Variants in PIEZO2 observed in about 807,000 individuals in gnomAD.
The protein encoded by PIEZO2 is piezo type mechanosensitive ion channel component 2.
Under a neutral mutation model 337.3 loss-of-function variants are expected in PIEZO2, and 172 were observed. That is an observed-to-expected ratio of 0.51 (90% CI 0.45 to 0.58). The LOEUF (loss-of-function observed/expected upper bound fraction) is 0.58, where lower values mean the gene tolerates loss of function less well. Ranked by LOEUF, PIEZO2 falls within the 20% of genes least tolerant of loss-of-function variation. The pLI is 0.00. For synonymous variants in PIEZO2, 1,251 were observed against 1,228.5 expected (o/e 1.02, Z -0.38); for missense variants, 3,028 against 3,391.3 (o/e 0.89, Z 2.66).
rs143866500 is a variant in PIEZO2 at position 10,828,524 on chromosome 18, T to C, written c.918-21250A>G. Among the ~76,000 whole-genome samples the C allele has an allele frequency of 1.3e-5, 2 of 152,246 alleles. No individual in the cohort carries two copies. Among genetic ancestry groups the C allele is most frequent in the Non-Finnish European group, 2.9e-5 (2 of 68,006 alleles). On this transcript the variant is annotated intron_variant, in intron 7 of 55. Coordinates refer to ENST00000674853, the MANE Select transcript of PIEZO2 (RefSeq NM_001378183.1). This position sits in a 1 kb window ranked among gnomAD's most constrained non-coding sequence, Gnocchi z 4.1. ...CCTGGAAAAAACTGAAAGTAGAAGG[T>C]AAAATATACATAAAGGTGTGAGTTC...
At chr18:10,790,647 T>A (rs2039376732) in intron 14 of PIEZO2, among the ~76,000 whole-genome samples, 1 of 152,106 alleles carries the variant, frequency 6.6e-6, no homozygotes, top group Non-Finnish European at 1.5e-5. Flanking sequence ...AGCATTTAAT[T>A]TCTCAGAGCC....
intron 2 of PIEZO2, among the ~76,000 whole-genome samples, chr18:11,065,824 T>G (rs2038128459): frequency 6.6e-6 from 1 of 152,224 alleles, no homozygotes; most frequent in East Asian, 1.9e-4. Context: ...TGTCTTATTT[T>G]ATTGACAATA....
rs1392133031 is a variant in PIEZO2, at chr18:11,116,398, T to A, written c.64+32127A>T. ...ATGCACCTCGACAATGCTTGGGTGA[T>A]CTGTTTCTTGGGTGTGAAAGAATGA... On this transcript the variant is annotated intron_variant, in intron 1 of 55. Transcript: ENST00000674853. The surrounding 1 kb of genome is among the most constrained non-coding windows in gnomAD (Gnocchi z 5.0). Among the ~76,000 whole-genome samples the A allele has an allele frequency of 6.6e-6, 1 of 152,040 alleles. No homozygotes were observed. Among genetic ancestry groups the A allele is most frequent in the Non-Finnish European group, 1.5e-5 (1 of 68,020 alleles).
intron 20 of PIEZO2, among the ~76,000 whole-genome samples, chr18:10,770,953 A>C (rs1026377386): frequency 2.6e-5 from 4 of 151,530 alleles, no homozygotes; most frequent in South Asian, 2.1e-4. Flanking sequence ...CTGGTCTTGA[A>C]CTCTTGGCCT....
chr18:10,716,818 T>C lies in PIEZO2; in HGVS notation c.5090-1002A>G, dbSNP rs2036029042. 4.0e-5 allele frequency among the ~76,000 whole-genome samples: 6 copies of C among 151,794 alleles called. No homozygotes were observed. Among genetic ancestry groups the C allele is most frequent in the Admixed American group, 3.9e-4 (6 of 15,270 alleles). ...CAATGAACTTTAGGAGCTCCTTATA[T>C]TTTCGACATGTATTTTCTCATACCC... On this transcript the variant is annotated intron_variant, in intron 37 of 55. Transcript: ENST00000674853. This position sits in a 1 kb window ranked among gnomAD's most constrained non-coding sequence, Gnocchi z 4.1.
chr18:10,953,123 A>G lies in PIEZO2; in HGVS notation c.286+26412T>C, dbSNP rs1312591254. 1.3e-5 allele frequency among the ~76,000 whole-genome samples: 2 copies of G among 152,202 alleles called. No individual in the cohort carries two copies. Among genetic ancestry groups the G allele is most frequent in the South Asian group, 2.1e-4 (1 of 4,826 alleles). On this transcript the variant is annotated intron_variant, in intron 3 of 55. Transcript: ENST00000674853. The surrounding 1 kb of genome is among the most constrained non-coding windows in gnomAD (Gnocchi z 5.2). ...TAGTATTGAGTTTTAAGAGTTCTTC[A>G]TAAATACTGGATACAAGTCCTTAAT... is the stretch of plus-strand genomic sequence containing the variant.
At chr18:10,760,674 G>A (rs1251406111) in intron 24 of PIEZO2, among the ~76,000 whole-genome samples, 1 of 152,210 alleles carries the variant, frequency 6.6e-6, no homozygotes, top group African/African-American at 2.4e-5. Context: ...CATTTAGATG[G>A]CTCTGGAGAT....
At chr18:10,961,614 G>A (rs1202762289) in intron 3 of PIEZO2, among the ~76,000 whole-genome samples, 1 of 151,970 alleles carries the variant, frequency 6.6e-6, no homozygotes, top group African/African-American at 2.4e-5. Flanking sequence ...TTCAAAAAGA[G>A]TCAGCTTGTA....
chr18:11,007,814 C>T (rs1249410323), intron 2 of PIEZO2, among the ~76,000 whole-genome samples: 1 of 152,010 alleles, frequency 6.6e-6, no homozygotes, highest in Admixed American at 6.6e-5. Context: ...TGTAAATATA[C>T]TTTCAGACAA....
At position 10,979,451 on chromosome 18, in the gene PIEZO2, T is replaced by C. The variant is rs1172452079; in HGVS notation, c.286+84A>G. ...AATTTAATTATTGCATAGATTTCTA[T>C]GTGTGCGATGACACACAGCTTTATT... On this transcript the variant is annotated intron_variant, in intron 3 of 55. Coordinates refer to ENST00000674853, the MANE Select transcript of PIEZO2 (RefSeq NM_001378183.1). The surrounding 1 kb of genome is among the most constrained non-coding windows in gnomAD (Gnocchi z 4.0). 3.2e-6 allele frequency: 4 copies of C among 1,254,656 alleles called. No individual in the cohort carries two copies. The highest frequency in any genetic ancestry group is 4.1e-6 in the Non-Finnish European group (4 of 973,644). 77.7% of individuals were successfully genotyped at this position (1,254,656 alleles called of 1,614,324 possible). A position where few individuals can be genotyped will look rare whatever the true frequency, so the allele number is the denominator to read the frequency against.
At chr18:10,693,155 A>T (rs2034925758) in intron 47 of PIEZO2, among the ~76,000 whole-genome samples, 1 of 152,126 alleles carries the variant, frequency 6.6e-6, no homozygotes, top group African/African-American at 2.4e-5. Context: ...ATTGTAAATG[A>T]TATTCTTAAA....
rs559023003 is a variant in PIEZO2 at position 10,747,832 on chromosome 18, C to G, written c.4424+639G>C. Among the ~76,000 whole-genome samples, 10 of 152,210 alleles carry G rather than the reference C, an allele frequency of 6.6e-5. No individual in the cohort carries two copies. The East Asian group carries it at 1.9e-3, about 29-fold the overall frequency. On this transcript the variant is annotated intron_variant, in intron 30 of 55. Transcript: ENST00000674853. Reference sequence around the variant, plus strand: ...TATTGCTAATTTCATGTAATAGAACCCAGTATCCATCAGCTTATTCACACC... The same window carrying G: ...TATTGCTAATTTCATGTAATAGAACGCAGTATCCATCAGCTTATTCACACC...
chr18:10,733,448 A>ATT (rs34583213), intron 35 of PIEZO2, among the ~76,000 whole-genome samples: 1,354 of 128,296 alleles, frequency 0.011, 32 homozygotes, highest in African/African-American at 0.02. Context: ...AAACTTCCCA[A>ATT]TTTTTTTTTT....
intron 3 of PIEZO2, among the ~76,000 whole-genome samples, chr18:10,974,673 T>C (rs916054795): frequency 1.3e-5 from 2 of 152,096 alleles, no homozygotes; most frequent in African/African-American, 4.8e-5. Flanking sequence ...CATGCAATGG[T>C]TTCATGCAAC....
rs1385741073 is a variant in PIEZO2, at chr18:10,973,849, C to T, written c.286+5686G>A. Among the ~76,000 whole-genome samples, 1 of 152,168 alleles carries T rather than the reference C, an allele frequency of 6.6e-6. No individual in the cohort carries two copies. The highest frequency in any genetic ancestry group is 6.5e-5 in the Admixed American group (1 of 15,282). On this transcript the variant is annotated intron_variant, in intron 3 of 55. Coordinates refer to ENST00000674853, the MANE Select transcript of PIEZO2 (RefSeq NM_001378183.1). This position sits in a 1 kb window ranked among gnomAD's most constrained non-coding sequence, Gnocchi z 4.9. ...AGTTTGCTTTTATATATTTTGTCTC[C>T]CATTTCGTACTTATTAGCTCTTTTC...
At chr18:11,138,765 C>T (rs975779413) in intron 1 of PIEZO2, among the ~76,000 whole-genome samples, 13 of 152,032 alleles carry the variant, frequency 8.6e-5, no homozygotes, top group Non-Finnish European at 1.9e-4. Context: ...TGCAAAGTGG[C>T]GGGTGAGCAC....
intron 7 of PIEZO2, among the ~76,000 whole-genome samples, chr18:10,812,474 G>A (rs1471544863): frequency 6.6e-6 from 1 of 152,052 alleles, no homozygotes; most frequent in Non-Finnish European, 1.5e-5. Flanking sequence ...CCTGCAACAC[G>A]CTATTTATAG....
chr18:10,833,435 C>A lies in PIEZO2; in HGVS notation c.917+21918G>T, dbSNP rs891101544. The stretch of plus-strand genomic sequence containing the variant: ...ACTAACACTGGGCCCTGCCCCAGAA[C>A]CCCTGGAATCTCCTGGGGCGGGGCT... On this transcript the variant is annotated intron_variant, in intron 7 of 55. Transcript: ENST00000674853. This position sits in a 1 kb window ranked among gnomAD's most constrained non-coding sequence, Gnocchi z 4.7. 2.0e-5 allele frequency among the ~76,000 whole-genome samples: 3 copies of A among 152,158 alleles called. No homozygotes were observed. Among genetic ancestry groups the A allele is most frequent in the African/African-American group, 7.2e-5 (3 of 41,434 alleles).
intron 4 of PIEZO2, among the ~76,000 whole-genome samples, chr18:10,883,058 C>T (rs2042469278): frequency 6.6e-6 from 1 of 151,928 alleles, no homozygotes; most frequent in Non-Finnish European, 1.5e-5. Flanking sequence ...AGGATGGTCT[C>T]GATCTCCTGA....
Sources: allele counts gnomAD v4.1 joint callset (sites outside exome capture counted in the v4.1 genomes callset), GRCh38; gene constraint gnomAD v4.1.1; non-coding constraint Gnocchi (gnomAD v3.1); transcripts MANE v1.5; gene names NCBI Gene and HGNC (gene_info 2026-07-23, HGNC 2026-07-21).